The following ADD2 variants were observed in gnomAD, a reference collection of about 807,000 sequenced individuals.
ADD2 encodes beta-adducin.
ADD2 carries 23 observed loss-of-function variants against 83.0 expected under a neutral mutation model. The ratio of observed to expected loss-of-function variants is 0.28; its 90% CI spans 0.20 to 0.39. ADD2 has a LOEUF of 0.39. Among genes scored for constraint, ADD2 ranks in the 10% least tolerant of loss-of-function variants. ADD2 has a pLI of 1.00. For missense variants in ADD2, 758 were observed against 944.9 expected (o/e 0.80, Z 2.59); for synonymous variants, 375 against 375.4 (o/e 1.00, Z 0.01).
At chr2:70,709,632 T>TA (rs1427802895) in intron 2 of ADD2, among the ~76,000 whole-genome samples, 1 of 152,212 alleles carries the variant, frequency 6.6e-6, no homozygotes, top group African/African-American at 2.4e-5. Flanking sequence ...GGGTCCCTTC[T>TA]AGCTCTGACA....
intron 1 of ADD2, among the ~76,000 whole-genome samples, chr2:70,746,114 TA>T (rs1275331621): frequency 2.0e-5 from 3 of 152,172 alleles, no homozygotes; most frequent in Admixed American, 6.5e-5. Flanking sequence ...CTTTTGTGAT[TA>T]AAGGGATTCT....
intron 9 of ADD2, among the ~76,000 whole-genome samples, chr2:70,687,561 C>T (rs1349387056): frequency 1.3e-5 from 2 of 151,946 alleles, no homozygotes; most frequent in Middle Eastern, 6.8e-3. Flanking sequence ...GTGACCATGT[C>T]CCTGGCCTTT....
At chr2:70,732,079 C>G (rs1196569420) in intron 1 of ADD2, among the ~76,000 whole-genome samples, 2 of 152,178 alleles carry the variant, frequency 1.3e-5, no homozygotes, top group Non-Finnish European at 2.9e-5. Context: ...TCTTCCCCTC[C>G]CTTCTCATTG....
chr2:70,715,883 C>A (rs1672440565), intron 1 of ADD2, among the ~76,000 whole-genome samples: 2 of 152,166 alleles, frequency 1.3e-5, no homozygotes, highest in South Asian at 4.2e-4. Flanking sequence ...AAATATCTCT[C>A]CACCCGCAGC....
In ADD2 at chr2:70,725,422, A is replaced by G. The variant is rs145847955; in HGVS notation, c.-153-12238T>C. 4.8e-3 allele frequency among the ~76,000 whole-genome samples: 728 copies of G among 152,200 alleles called. 4 individuals are homozygous for G. Among genetic ancestry groups the G allele is most frequent in the African/African-American group, 0.015 (624 of 41,532 alleles). On this transcript the variant is annotated intron_variant, in intron 1 of 15. Transcript: ENST00000264436. Reference sequence around the variant, plus strand: ...CCCTGCCAAAAATATATATATATATATGTGTGTATGTCCTAACTCCCAGAG... The same window carrying G: ...CCCTGCCAAAAATATATATATATATGTGTGTGTATGTCCTAACTCCCAGAG...
At chr2:70,683,091 C>T (rs1050591103) in intron 10 of ADD2, among the ~76,000 whole-genome samples, 12 of 144,140 alleles carry the variant, frequency 8.3e-5, no homozygotes, top group South Asian at 6.5e-4. Context: ...GGCACAATGT[C>T]GGCTCACTGC....
chr2:70,704,263 T>TCGCCCCCCCCCCCCCCC, intron 4 of ADD2, 58 bp downstream of exon 4: 2 of 913,238 alleles, frequency 2.2e-6, no homozygotes, highest in Non-Finnish European at 3.4e-6. Context: ...CTCCCTCTCT[T>TCGCCCCCCCCCCCCCCC]CCCCACCCCA....
chr2:70,675,046 G>C (rs1553367939), intron 13 of ADD2: 1 of 1,301,752 alleles, frequency 7.7e-7, no homozygotes, highest in Non-Finnish European at 9.7e-7. Flanking sequence ...GAATATAGGG[G>C]GTCCACAGTC....
intron 1 of ADD2, among the ~76,000 whole-genome samples, chr2:70,740,824 C>A (rs1673851785): frequency 6.6e-6 from 1 of 152,162 alleles, no homozygotes. Flanking sequence ...CCCAACCTCC[C>A]GAGTAGCTGA....
intron 1 of ADD2, among the ~76,000 whole-genome samples, chr2:70,747,443 C>CTCCCATCATGCCATGTGCTT (rs1413483957): frequency 7.4e-5 from 11 of 148,936 alleles, no homozygotes; most frequent in Admixed American, 2.7e-4. Context: ...GCCATGTGCT[C>CTCCCATCATGCCATGTGCTT]TCCCATCATG....
chr2:70,669,145 G>T (rs1029179211), intron 15 of ADD2, among the ~76,000 whole-genome samples: 2 of 152,210 alleles, frequency 1.3e-5, no homozygotes, highest in Non-Finnish European at 2.9e-5. Flanking sequence ...AGGGGAAGAA[G>T]AGCAACAAGC....
In ADD2 at chr2:70,725,075, C is replaced by T. The variant is rs1334508394; in HGVS notation, c.-153-11891G>A. ...CTGCCTAGTTTATATCCTGGGTGTA[C>T]TTTTACAAGCTGCGAGGGTTACCGA... On this transcript the variant is annotated intron_variant, in intron 1 of 15. Coordinates refer to ENST00000264436, the MANE Select transcript of ADD2 (RefSeq NM_001617.4). Among the ~76,000 whole-genome samples the T allele has an allele frequency of 2.0e-5, 3 of 152,186 alleles. 1 individual carries two copies. Among genetic ancestry groups the T allele is most frequent in the Admixed American group, 2.0e-4 (3 of 15,288 alleles).
intron 1 of ADD2, among the ~76,000 whole-genome samples, chr2:70,762,250 A>G (rs1256198223): frequency 6.6e-6 from 1 of 151,916 alleles, no homozygotes; most frequent in Admixed American, 6.5e-5. Flanking sequence ...AAGCTTAAGA[A>G]GAAAGAGAAT....
chr2:70,730,527 G>T (rs1210375157), intron 1 of ADD2, among the ~76,000 whole-genome samples: 2 of 152,222 alleles, frequency 1.3e-5, no homozygotes, highest in Admixed American at 1.3e-4. Context: ...TAACCTACAG[G>T]CATGAAGTGA....
At chr2:70,754,897 T>G (rs1010150424) in intron 1 of ADD2, among the ~76,000 whole-genome samples, 1 of 152,100 alleles carries the variant, frequency 6.6e-6, no homozygotes, top group South Asian at 2.1e-4. Flanking sequence ...CTTTTAATTA[T>G]CTATCTCCAA....
rs974797640 is a variant in ADD2 at position 70,661,402 on chromosome 2, C to G, written c.*2023G>C. ...AAGGGATTGGCTTTTAAAGGCATTT[C>G]CCATATGACAGATTTTTCTGAGGCA... On this transcript the variant is annotated 3_prime_UTR_variant, in exon 16 of 16. Coordinates refer to ENST00000264436, the MANE Select transcript of ADD2 (RefSeq NM_001617.4). The G allele has an allele frequency of 4.6e-5, 7 of 152,130 alleles. No homozygotes were observed. The highest frequency in any genetic ancestry group is 1.7e-4 in the African/African-American group (7 of 41,430). The allele number at this position is 152,130 out of a possible 1,614,324, so 9.4% of individuals were successfully genotyped here.
chr2:70,674,629 C>T (rs781789124), intron 14 of ADD2, 49 bp downstream of exon 14: 4 of 1,586,132 alleles, frequency 2.5e-6, no homozygotes, highest in Non-Finnish European at 2.6e-6. Flanking sequence ...GAGCTCTCCC[C>T]TCCACCCTGG....
In ADD2 at chr2:70,676,869, CG is replaced by C; in HGVS notation, c.1519del (p.Arg507AspfsTer4). ...EMRNKIREQN[R>X]QDVKSAGPQS... is the part of the protein sequence containing the mutation. The stretch of plus-strand genomic sequence containing the variant: ...AGGCCCCGCTGACTTCACATCTTGT[CG>C]GTTTTGTTCTCGAATCTGTGTGGAA... On this transcript the variant is annotated frameshift_variant, in exon 13 of 16. Coordinates refer to ENST00000264436, the MANE Select transcript of ADD2 (RefSeq NM_001617.4). LOFTEE classifies it high-confidence loss of function. This position sits in a 1 kb window ranked among gnomAD's most constrained non-coding sequence, Gnocchi z 4.8. 1 of 1,613,666 alleles carries C rather than the reference CG, an allele frequency of 6.2e-7. No homozygotes were observed. Among genetic ancestry groups the C allele is most frequent in the Non-Finnish European group, 8.5e-7 (1 of 1,179,672 alleles).
intron 1 of ADD2, among the ~76,000 whole-genome samples, chr2:70,756,677 T>G (rs1038743949): frequency 2.6e-5 from 4 of 152,174 alleles, no homozygotes; most frequent in Admixed American, 6.5e-5. Flanking sequence ...AATAGCCTTA[T>G]CTATGGCATA....
Sources: allele counts gnomAD v4.1 joint callset (sites outside exome capture counted in the v4.1 genomes callset), GRCh38; gene constraint gnomAD v4.1.1; non-coding constraint Gnocchi (gnomAD v3.1); transcripts MANE v1.5; gene names NCBI Gene and HGNC (gene_info 2026-07-23, HGNC 2026-07-21).